Variants in LAMA2 observed in about 807,000 individuals in gnomAD.
LAMA2 encodes the protein laminin subunit alpha 2.
A neutral mutation model predicts 364.8 loss-of-function variants in LAMA2; 269 were observed. The ratio of observed to expected loss-of-function variants is 0.74; its 90% CI spans 0.67 to 0.82. LAMA2 has a LOEUF of 0.82. LAMA2 is among the 40% of genes least tolerant of loss of function. The pLI, the probability that LAMA2 is intolerant of heterozygous loss-of-function variation, is 0.00. For missense variants in LAMA2, 3,807 were observed against 3,873.2 expected, an observed-to-expected ratio of 0.98 and a Z score of 0.45; for synonymous variants, 1,379 against 1,370.6, an observed-to-expected ratio of 1.01 and a Z score of -0.14.
intron 12 of LAMA2, among the ~76,000 whole-genome samples, chr6:129,202,725 C>G (rs566999456): frequency 3.8e-4 from 58 of 152,212 alleles, no homozygotes; most frequent in Non-Finnish European, 7.6e-4. Flanking sequence ...ATGAACAAAA[C>G]AAATACTATC....
chr6:129,085,212 A>G (rs1774304276), intron 3 of LAMA2, among the ~76,000 whole-genome samples: 1 of 152,250 alleles, frequency 6.6e-6, no homozygotes, highest in Admixed American at 6.5e-5. Context: ...TTTAAGAATC[A>G]GAATTTCATG....
intron 18 of LAMA2, among the ~76,000 whole-genome samples, chr6:129,283,276 A>G (rs1445057668): frequency 6.6e-6 from 1 of 152,176 alleles, no homozygotes; most frequent in Non-Finnish European, 1.5e-5. Flanking sequence ...AGATTAAGTA[A>G]GCAATTGGAA....
At chr6:129,293,049 T>C (rs913772329) in intron 20 of LAMA2, 1 of 985,914 alleles carries the variant, frequency 1.0e-6, no homozygotes, top group Non-Finnish European at 1.2e-6. Context: ...TCGGGGAGCC[T>C]ATCGGGCCCC....
Position 129,456,396 on chromosome 6 carries a change from C to G in LAMA2, c.6769C>G (p.Pro2257Ala). Residue 2257 changes from proline (P) to alanine (A), a missense_variant, in exon 48 of 65, where the codon CCC becomes GCC. This residue lies in a region of LAMA2 where 3,333 missense variants were observed against 3,345.7 expected (regional missense o/e 1.00). Coordinates refer to ENST00000421865, the MANE Select transcript of LAMA2 (RefSeq NM_000426.4). ...GGATGGACCCAAAGCCAGCATTGTG[C>G]CCAGCACACACCATTCGACGTCTCC... The part of the protein sequence containing the change: ...ALDGPKASIV[P>A]STHHSTSPPG... 6.2e-7 allele frequency: 1 copy of G among 1,613,296 alleles called. No homozygotes were observed. The highest frequency in any genetic ancestry group is 8.5e-7 in the Non-Finnish European group (1 of 1,179,398).
intron 32 of LAMA2, among the ~76,000 whole-genome samples, chr6:129,360,050 A>G (rs1777373279): frequency 1.3e-5 from 2 of 152,274 alleles, no homozygotes; most frequent in Admixed American, 1.3e-4. Context: ...TTAGTCATGT[A>G]AAATATAATC....
chr6:129,099,125 G>GTTTTTTTTTTTT (rs370334822), intron 4 of LAMA2, among the ~76,000 whole-genome samples: 53 of 129,764 alleles, frequency 4.1e-4, no homozygotes, highest in East Asian at 6.7e-4. Flanking sequence ...TTTTTTTTTT[G>GTTTTTTTTTTTT]TTTTTTTTTT....
At position 129,315,867 on chromosome 6, in the gene LAMA2, C is replaced by T. The variant is rs1300260534; in HGVS notation, c.3841C>T (p.Pro1281Ser). 6.2e-7 allele frequency: 1 copy of T among 1,613,910 alleles called. No individual in the cohort carries two copies. The highest frequency in any genetic ancestry group is 1.3e-5 in the African/African-American group (1 of 74,898). Residue 1281 changes from proline to serine, a missense_variant, in exon 26 of 65, where the codon CCT becomes TCT. Around this residue, in one of 3 missense-constraint regions of LAMA2, gnomAD observed 3,333 missense variants for 3,345.7 expected, o/e 1.00. Transcript: ENST00000421865. ...TCAAGTGATCATTCGAGGTGGGACA[C>T]CTACTCATGCTAGAATTATCGTCAG... ...NPQVIIRGGT[P>S]THARIIVRHM...
chr6:128,884,200 A>G (rs1485264717), intron 1 of LAMA2, among the ~76,000 whole-genome samples: 1 of 152,180 alleles, frequency 6.6e-6, no homozygotes, highest in Admixed American at 6.5e-5. Context: ...GAGTCTTTGA[A>G]GAGTTATTTT....
intron 54 of LAMA2, chr6:129,479,488 C>T (rs1018133241): frequency 1.3e-5 from 2 of 152,388 alleles, no homozygotes; most frequent in Admixed American, 6.5e-5. Context: ...AGAAAGACCC[C>T]GGCCATAGCT....
intron 29 of LAMA2, among the ~76,000 whole-genome samples, chr6:129,340,715 T>C (rs1776211356): frequency 6.6e-6 from 1 of 151,220 alleles, no homozygotes; most frequent in Admixed American, 6.6e-5. Flanking sequence ...TATGTGCCTG[T>C]AGTACCAGCT....
chr6:129,312,242 G>A (rs771147660), intron 22 of LAMA2, among the ~76,000 whole-genome samples: 6 of 151,806 alleles, frequency 4.0e-5, no homozygotes, highest in South Asian at 4.1e-4. Flanking sequence ...CATCTTGGGC[G>A]AAGAAAAACG....
At chr6:129,229,441 G>T in intron 12 of LAMA2, among the ~76,000 whole-genome samples, 1 of 152,092 alleles carries the variant, frequency 6.6e-6, no homozygotes, top group African/African-American at 2.4e-5. Context: ...AAGAGTTGAA[G>T]GATATGGGGA....
At chr6:129,462,357 G>A (rs1783299415) in intron 49 of LAMA2, among the ~76,000 whole-genome samples, 1 of 151,806 alleles carries the variant, frequency 6.6e-6, no homozygotes, top group Non-Finnish European at 1.5e-5. Flanking sequence ...TGTACACAGT[G>A]TGCATTCACC....
intron 12 of LAMA2, among the ~76,000 whole-genome samples, chr6:129,225,971 G>A (rs1379359516): frequency 2.6e-5 from 4 of 152,252 alleles, no homozygotes; most frequent in South Asian, 4.2e-4. Flanking sequence ...GGGAGTCTAA[G>A]TCTCTTTGTA....
Position 129,177,749 on chromosome 6 carries a change from T to A in LAMA2, c.1350T>A (p.Gly450=), listed in dbSNP as rs1780685621. ...GSCHCKTGFG[G]VSCDRCARGY... is the part of the protein sequence containing the mutation. ...GTCATTGCAAAACTGGTTTTGGAGG[T>A]GTGAGCTGTGATCGGTGTGCCAGGG... is the stretch of plus-strand genomic sequence containing the variant. Residue 450 remains glycine (G), a synonymous_variant, in exon 10 of 65, where the codon GGT becomes GGA. Coordinates refer to ENST00000421865, the MANE Select transcript of LAMA2 (RefSeq NM_000426.4). The A allele has an allele frequency of 1.2e-6, 2 of 1,613,856 alleles. No individual in the cohort carries two copies. Among genetic ancestry groups the A allele is most frequent in the South Asian group, 2.2e-5 (2 of 91,084 alleles).
intron 20 of LAMA2, chr6:129,292,730 A>T (rs897726965): frequency 9.0e-6 from 8 of 885,738 alleles, no homozygotes; most frequent in Non-Finnish European, 1.1e-5. Flanking sequence ...TGAAAATATC[A>T]TCTGCTTCTG....
chr6:128,963,694 A>T (rs562321155), intron 1 of LAMA2, among the ~76,000 whole-genome samples: 1 of 152,210 alleles, frequency 6.6e-6, no homozygotes, highest in South Asian at 2.1e-4. Flanking sequence ...CAGACTCATC[A>T]TTTTGGCCTT....
At chr6:129,311,228 T>C (rs1774205143) in intron 22 of LAMA2, among the ~76,000 whole-genome samples, 1 of 151,964 alleles carries the variant, frequency 6.6e-6, no homozygotes, top group Non-Finnish European at 1.5e-5. Flanking sequence ...TTCACGCCAT[T>C]CTCCTGCCTC....
chr6:129,273,389 C>T (rs1232652664), intron 17 of LAMA2, among the ~76,000 whole-genome samples: 1 of 152,174 alleles, frequency 6.6e-6, no homozygotes, highest in Non-Finnish European at 1.5e-5. Flanking sequence ...GCCAAGATGT[C>T]ATGAGCATTA....
Sources: gnomAD v4.1 joint callset for allele counts (sites outside exome capture counted in the v4.1 genomes callset) on GRCh38, gnomAD v4.1.1 for gene constraint, gnomAD v4.1.1 regional missense constraint, MANE v1.5 for transcripts, NCBI Gene and HGNC (gene_info 2026-07-23, HGNC 2026-07-21) for gene names.